UGT2A1: variants seen among roughly 807,000 people sequenced by gnomAD.
UGT2A1 encodes the protein UDP-glucuronosyltransferase 2A1.
UGT2A1 carries 61 observed loss-of-function variants against 45.4 expected under a neutral mutation model. The observed-to-expected ratio is 1.34, with a 90% CI of 1.09 to 1.66. The LOEUF is 1.66. Among genes scored for constraint, UGT2A1 ranks in the 40% most tolerant of loss-of-function variants. The pLI is 0.00. For synonymous variants in UGT2A1, 229 were observed against 196.2 expected, an observed-to-expected ratio of 1.17 and a Z score of -1.40; for missense variants, 649 against 574.3, an observed-to-expected ratio of 1.13 and a Z score of -1.33.
intron 3 of UGT2A1, among the ~76,000 whole-genome samples, chr4:69,630,014 C>T (rs1721297135): frequency 6.6e-6 from 1 of 151,940 alleles, no homozygotes; most frequent in South Asian, 2.1e-4. Context: ...CAAAATACCA[C>T]ATGAAAAATA....
intron 3 of UGT2A1, among the ~76,000 whole-genome samples, chr4:69,623,619 G>A (rs1450523077): frequency 6.6e-6 from 1 of 151,252 alleles, no homozygotes; most frequent in Non-Finnish European, 1.5e-5. Flanking sequence ...GCAAAGAATT[G>A]AAGTCACAGT....
intron 2 of UGT2A1, among the ~76,000 whole-genome samples, chr4:69,646,453 C>T (rs1722263103): frequency 6.6e-6 from 1 of 151,676 alleles, no homozygotes; most frequent in Non-Finnish European, 1.5e-5. Context: ...GTGATAAAGC[C>T]TTAATGTATT....
chr4:69,646,662 G>C (rs191702031), intron 2 of UGT2A1, among the ~76,000 whole-genome samples: 1 of 151,844 alleles, frequency 6.6e-6, no homozygotes, highest in East Asian at 1.9e-4. Flanking sequence ...ATGAGATCCA[G>C]CCCAACTTTT....
At chr4:69,608,941 A>G (rs1719853579) in intron 3 of UGT2A1, among the ~76,000 whole-genome samples, 1 of 152,188 alleles carries the variant, frequency 6.6e-6, no homozygotes, top group African/African-American at 2.4e-5. Flanking sequence ...TTAAGACAGC[A>G]TAAAAATCCT....
At chr4:69,637,439 G>A (rs1721774108) in intron 2 of UGT2A1, among the ~76,000 whole-genome samples, 1 of 152,108 alleles carries the variant, frequency 6.6e-6, no homozygotes, top group Non-Finnish European at 1.5e-5. Flanking sequence ...GTAAGATCAA[G>A]TTAGTTTATG....
chr4:69,639,718 G>C (rs749106781), intron 2 of UGT2A1: 42 of 1,374,140 alleles, frequency 3.1e-5, no homozygotes, highest in Middle Eastern at 4.3e-4. Context: ...GTAATATTTA[G>C]TGCGATGGTT....
At chr4:69,616,833 C>CTTTTTTTTT (rs4148315) in intron 3 of UGT2A1, among the ~76,000 whole-genome samples, 27 of 127,262 alleles carry the variant, frequency 2.1e-4, no homozygotes, top group South Asian at 5.0e-4. Context: ...ATTTTCTTTT[C>CTTTTTTTTT]TTTTTTTTTT....
At chr4:69,638,147 G>A (rs1003447387) in intron 2 of UGT2A1, among the ~76,000 whole-genome samples, 2 of 152,146 alleles carry the variant, frequency 1.3e-5, no homozygotes, top group Admixed American at 1.3e-4. Context: ...ACCAGTGGTA[G>A]CATCATCTGT....
At chr4:69,613,880 A>G (rs946001222) in intron 3 of UGT2A1, among the ~76,000 whole-genome samples, 17 of 152,184 alleles carry the variant, frequency 1.1e-4, no homozygotes, top group African/African-American at 4.1e-4. Flanking sequence ...ATATTGAATG[A>G]GTACAAATTG....
At chr4:69,627,695 C>G (rs1721166537) in intron 3 of UGT2A1, among the ~76,000 whole-genome samples, 1 of 151,638 alleles carries the variant, frequency 6.6e-6, no homozygotes. Flanking sequence ...ATTTAAGGTT[C>G]ATAAACACTC....
intron 3 of UGT2A1, among the ~76,000 whole-genome samples, chr4:69,629,201 C>A (rs1479195415): frequency 6.6e-6 from 1 of 151,694 alleles, no homozygotes; most frequent in Non-Finnish European, 1.5e-5. Flanking sequence ...TATTAATACT[C>A]CTCCAGGTAG....
intron 3 of UGT2A1, among the ~76,000 whole-genome samples, chr4:69,620,801 CAAAG>C (rs1242779819): frequency 1.3e-5 from 2 of 151,682 alleles, no homozygotes. Flanking sequence ...GAAACATAGA[CAAAG>C]GAAACAGAAT....
intron 3 of UGT2A1, among the ~76,000 whole-genome samples, chr4:69,628,108 C>T (rs10006049): frequency 0.35 from 53,220 of 151,530 alleles, 9,699 homozygotes; most frequent in African/African-American, 0.43. Context: ...TTTCCCTATG[C>T]TTTCTTCCAG....
At chr4:69,635,385 C>T (rs1396102363) in intron 3 of UGT2A1, among the ~76,000 whole-genome samples, 3 of 152,160 alleles carry the variant, frequency 2.0e-5, no homozygotes, top group Non-Finnish European at 2.9e-5. Flanking sequence ...ATGGAGCCAT[C>T]CAGTTTCCAG....
At chr4:69,623,949 A>C (rs2109941368) in intron 3 of UGT2A1, among the ~76,000 whole-genome samples, 1 of 151,802 alleles carries the variant, frequency 6.6e-6, no homozygotes, top group African/African-American at 2.4e-5. Flanking sequence ...ACCTTAAAAA[A>C]GCATCTTATA....
At chr4:69,649,477 A>G (rs1722421777) in intron 1 of UGT2A1, among the ~76,000 whole-genome samples, 1 of 152,128 alleles carries the variant, frequency 6.6e-6, no homozygotes, top group African/African-American at 2.4e-5. Flanking sequence ...AATCAGGTCC[A>G]GTTTTAGACA....
chr4:69,627,120 C>T (rs1180408063), intron 3 of UGT2A1, among the ~76,000 whole-genome samples: 2 of 151,786 alleles, frequency 1.3e-5, no homozygotes, highest in Non-Finnish European at 2.9e-5. Flanking sequence ...AATATATTTG[C>T]ACATACTGAC....
chr4:69,599,607 G>T, intron 3 of UGT2A1: 1 of 562,602 alleles, frequency 1.8e-6, no homozygotes, highest in Non-Finnish European at 2.7e-6. Context: ...AAGGAAGGGA[G>T]GAAGGGAGGA....
Position 69,647,717 on chromosome 4 carries a change from A to G in UGT2A1, c.-54-19T>C, listed in dbSNP as rs1351904201. 5.3e-6 allele frequency: 6 copies of G among 1,122,470 alleles called. No individual in the cohort carries two copies. The highest frequency in any genetic ancestry group is 7.4e-6 in the Non-Finnish European group (6 of 815,482). 69.5% of individuals were successfully genotyped at this position (1,122,470 alleles called of 1,614,324 possible). On this transcript the variant is annotated intron_variant, in intron 1 of 6. Transcript: ENST00000286604. ...TTCTCTGCTTTTAAAGAAAAAAAGGAAAGACAAAATTATTTCTCAATTTTG... is the reference window on the plus strand; with the variant it reads ...TTCTCTGCTTTTAAAGAAAAAAAGGGAAGACAAAATTATTTCTCAATTTTG...
Sources: allele counts gnomAD v4.1 joint callset (sites outside exome capture counted in the v4.1 genomes callset), GRCh38; gene constraint gnomAD v4.1.1; transcripts MANE v1.5; gene names NCBI Gene and HGNC (gene_info 2026-07-23, HGNC 2026-07-21).